HS2ST1: variants seen among roughly 807,000 people sequenced by gnomAD.
HS2ST1 encodes the protein 2-O-sulfotransferase.
HS2ST1 carries 18 observed loss-of-function variants against 42.9 expected under a neutral mutation model. The ratio of observed to expected loss-of-function variants is 0.42; its 90% CI spans 0.29 to 0.62. The LOEUF is 0.62. Among genes scored for constraint, HS2ST1 ranks in the 20% least tolerant of loss-of-function variants. The pLI is 0.21. For missense variants in HS2ST1, 334 were observed against 433.8 expected, an observed-to-expected ratio of 0.77 and a Z score of 2.04; for synonymous variants, 146 against 152.9, an observed-to-expected ratio of 0.95 and a Z score of 0.33.
At chr1:87,022,756 T>TAGTC (rs1307322794) in intron 1 of HS2ST1, among the ~76,000 whole-genome samples, 1 of 152,214 alleles carries the variant, frequency 6.6e-6, no homozygotes, top group East Asian at 1.9e-4. Context: ...TATAAAGGAA[T>TAGTC]AGTCAGTTGT....
intron 1 of HS2ST1, among the ~76,000 whole-genome samples, chr1:87,042,081 T>G (rs1264768353): frequency 2.0e-5 from 3 of 152,174 alleles, no homozygotes; most frequent in East Asian, 1.9e-4. Context: ...GTTAGTGATG[T>G]CCAGCATCTT....
At chr1:86,993,206 A>G in intron 1 of HS2ST1, 1 of 1,511,290 alleles carries the variant, frequency 6.6e-7, no homozygotes, top group Non-Finnish European at 9.0e-7. Context: ...CCCCTGTGAT[A>G]AAAGGTACAG....
intron 1 of HS2ST1, among the ~76,000 whole-genome samples, chr1:87,047,001 C>T (rs1450738448): frequency 6.6e-6 from 1 of 151,706 alleles, no homozygotes; most frequent in African/African-American, 2.4e-5. Context: ...AGCCACTGCG[C>T]CCAGCCTATA....
intron 1 of HS2ST1, among the ~76,000 whole-genome samples, chr1:86,978,269 A>G (rs1300447711): frequency 6.6e-6 from 1 of 152,226 alleles, no homozygotes; most frequent in Non-Finnish European, 1.5e-5. Flanking sequence ...TATAAAAGCT[A>G]ATAAAAATCT....
intron 1 of HS2ST1, among the ~76,000 whole-genome samples, chr1:87,022,121 AT>A (rs1263983297): frequency 1.3e-5 from 2 of 152,166 alleles, no homozygotes; most frequent in African/African-American, 4.8e-5. Context: ...GACAGAGATT[AT>A]TTTAATTTGA....
At chr1:87,033,943 G>A (rs1650304790) in intron 1 of HS2ST1, among the ~76,000 whole-genome samples, 1 of 152,200 alleles carries the variant, frequency 6.6e-6, no homozygotes, top group African/African-American at 2.4e-5. Flanking sequence ...GAGCAATGAT[G>A]AGCTTAATGA....
At chr1:86,986,039 C>CTT (rs11377612) in intron 1 of HS2ST1, among the ~76,000 whole-genome samples, 11,993 of 133,782 alleles carry the variant, frequency 0.09, 791 homozygotes, top group East Asian at 0.28. Context: ...AGCTTGGCCT[C>CTT]TTTTTTTTTT....
At chr1:87,038,687 C>A (rs977796159) in intron 1 of HS2ST1, among the ~76,000 whole-genome samples, 2 of 152,102 alleles carry the variant, frequency 1.3e-5, no homozygotes, top group Non-Finnish European at 2.9e-5. Context: ...AAGCAAAGTA[C>A]ATATTGTCCT....
At chr1:87,016,913 C>T (rs914258690) in intron 1 of HS2ST1, among the ~76,000 whole-genome samples, 7 of 151,296 alleles carry the variant, frequency 4.6e-5, no homozygotes, top group Non-Finnish European at 1.0e-4. Flanking sequence ...ATTTTTATGA[C>T]ATTTTAAAAG....
At position 87,105,945 on chromosome 1, in the gene HS2ST1, G is replaced by C. The variant is rs1276329844; in HGVS notation, c.*1249G>C. On this transcript the variant is annotated 3_prime_UTR_variant, in exon 7 of 7. Coordinates refer to ENST00000370550, the MANE Select transcript of HS2ST1 (RefSeq NM_012262.4). ...CTAGCACTTACAGCTGTGTGATCTT[G>C]GGCAAGTCACTTAACCTCTCTTTGC... is the stretch of plus-strand genomic sequence containing the variant. The C allele has an allele frequency of 8.5e-5, 13 of 152,874 alleles. No homozygotes were observed. The highest frequency in any genetic ancestry group is 1.5e-4 in the Non-Finnish European group (10 of 68,340). The allele number at this position is 152,874 out of a possible 1,614,324, so 9.5% of individuals were successfully genotyped here. A position where few individuals can be genotyped will look rare whatever the true frequency, so the allele number is the denominator to read the frequency against.
chr1:87,085,810 T>C (rs1373570444), intron 3 of HS2ST1, among the ~76,000 whole-genome samples: 1 of 152,238 alleles, frequency 6.6e-6, no homozygotes, highest in Non-Finnish European at 1.5e-5. Flanking sequence ...CTTTTGCTTT[T>C]GGCAAAGTCT....
At chr1:87,104,121 A>G (rs1321075685) in intron 6 of HS2ST1, among the ~76,000 whole-genome samples, 1 of 152,196 alleles carries the variant, frequency 6.6e-6, no homozygotes, top group Non-Finnish European at 1.5e-5. Context: ...AGAAAATAGA[A>G]TACAGTTTGA....
intron 1 of HS2ST1, chr1:86,958,656 A>G (rs1402070089): frequency 6.6e-6 from 1 of 152,230 alleles, no homozygotes; most frequent in Non-Finnish European, 1.5e-5. Flanking sequence ...TCTACTATGC[A>G]TTTAAGGAAG....
At chr1:87,096,103 G>C (rs1364964549) in intron 4 of HS2ST1, among the ~76,000 whole-genome samples, 1 of 151,740 alleles carries the variant, frequency 6.6e-6, no homozygotes, top group Non-Finnish European at 1.5e-5. Flanking sequence ...AGGAAATCCA[G>C]CTTCACACAG....
At chr1:86,949,483 T>C (rs948229188) in intron 1 of HS2ST1, among the ~76,000 whole-genome samples, 1 of 152,016 alleles carries the variant, frequency 6.6e-6, no homozygotes, top group African/African-American at 2.4e-5. Flanking sequence ...AGCAGGAGAA[T>C]CACTTGAGCC....
At chr1:86,925,618 C>A (rs1439849649) in intron 1 of HS2ST1, among the ~76,000 whole-genome samples, 1 of 152,178 alleles carries the variant, frequency 6.6e-6, no homozygotes, top group Admixed American at 6.5e-5. Flanking sequence ...ACCATCAGAT[C>A]TCATGAGACT....
At chr1:87,083,598 G>C (rs779916586) in intron 2 of HS2ST1, among the ~76,000 whole-genome samples, 6 of 151,822 alleles carry the variant, frequency 4.0e-5, no homozygotes, top group Non-Finnish European at 5.9e-5. Flanking sequence ...ATTCCAATAA[G>C]TTAAATATTT....
chr1:87,020,404 A>G (rs1190392661), intron 1 of HS2ST1, among the ~76,000 whole-genome samples: 2 of 152,200 alleles, frequency 1.3e-5, no homozygotes, highest in African/African-American at 4.8e-5. Flanking sequence ...ATTCTAGTAC[A>G]TGCAGTGCTG....
intron 1 of HS2ST1, among the ~76,000 whole-genome samples, chr1:87,041,213 C>A (rs1255529466): frequency 8.3e-6 from 1 of 120,162 alleles, no homozygotes; most frequent in East Asian, 2.4e-4. Context: ...AATAGCGAGA[C>A]CTTGTCTCTA....
Sources: gnomAD v4.1 joint callset for allele counts (sites outside exome capture counted in the v4.1 genomes callset) on GRCh38, gnomAD v4.1.1 for gene constraint, MANE v1.5 for transcripts, NCBI Gene and HGNC (gene_info 2026-07-23, HGNC 2026-07-21) for gene names.